The following TXNDC11 variants were observed in gnomAD, a reference collection of about 807,000 sequenced individuals.
TXNDC11 encodes thioredoxin domain containing 11.
In TXNDC11, 68 loss-of-function variants were observed where a neutral mutation model predicts 78.0. That is an observed-to-expected ratio of 0.87 (90% CI 0.72 to 1.07). TXNDC11 has a LOEUF of 1.07. Ranked by LOEUF, TXNDC11 falls within the 50% of genes least tolerant of loss-of-function variation. TXNDC11 has a pLI of 0.00. For missense variants in TXNDC11, 1,389 were observed against 1,221.8 expected, an observed-to-expected ratio of 1.14 and a Z score of -2.04; for synonymous variants, 571 against 495.2, an observed-to-expected ratio of 1.15 and a Z score of -2.03.
chr16:11,726,971 T>C (rs1049251979), intron 4 of TXNDC11, among the ~76,000 whole-genome samples: 1 of 152,078 alleles, frequency 6.6e-6, no homozygotes, highest in African/African-American at 2.4e-5. Context: ...GAGAATCACC[T>C]GAACCCAGGA....
chr16:11,716,659 G>C (rs2051535694), intron 5 of TXNDC11, among the ~76,000 whole-genome samples: 1 of 152,172 alleles, frequency 6.6e-6, no homozygotes, highest in South Asian at 2.1e-4. Context: ...TGTGCACCTA[G>C]AAAGGAAAGC....
At position 11,679,429 on chromosome 16, in the gene TXNDC11, G is replaced by T. The variant is rs377433544; in HGVS notation, c.2643C>A (p.Ala881=). Residue 881 remains alanine (A), a synonymous_variant, in exon 12 of 12, where the codon GCC becomes GCA. Coordinates refer to ENST00000283033, the MANE Select transcript of TXNDC11 (RefSeq NM_015914.7). The surrounding 1 kb of genome is among the most constrained non-coding windows in gnomAD (Gnocchi z 4.6). ...CGGTAAGGAGGTTTTCTGAGGCATC[G>T]GCCAGCTCCTGCAGCTTGCGGGCCA... is the stretch of plus-strand genomic sequence containing the variant. ...QELARKLQEL[A]DASENLLTEN... 3.1e-6 allele frequency: 5 copies of T among 1,613,354 alleles called. No individual in the cohort carries two copies. The highest frequency in any genetic ancestry group is 2.2e-5 in the East Asian group (1 of 44,848).
At position 11,679,562 on chromosome 16, in the gene TXNDC11, C is replaced by T. The variant is rs754911296; in HGVS notation, c.2510G>A (p.Arg837Gln). ...QLSSARRDEH[R>Q]LRQQQRALEE... is the part of the protein sequence containing the mutation. ...CAGGGCCCGCTGCTGCTGCCGCAGCCGGTGCTCATCTCTGCGGGCACTGGA... is the reference window on the plus strand; with the variant it reads ...CAGGGCCCGCTGCTGCTGCCGCAGCTGGTGCTCATCTCTGCGGGCACTGGA... Residue 837 changes from arginine to glutamine, a missense_variant, in exon 12 of 12, where the codon CGG becomes CAG. Physicochemically the swap from Arg to Gln is conservative, Grantham distance 43. Transcript: ENST00000283033. The surrounding 1 kb of genome is among the most constrained non-coding windows in gnomAD (Gnocchi z 4.6). The T allele has an allele frequency of 2.5e-5, 40 of 1,613,738 alleles. No homozygotes were observed. Among genetic ancestry groups the T allele is most frequent in the Admixed American group, 3.3e-5 (2 of 60,000 alleles).
At chr16:11,699,695 TA>T (rs2050957149) in intron 6 of TXNDC11, among the ~76,000 whole-genome samples, 1 of 152,210 alleles carries the variant, frequency 6.6e-6, no homozygotes, top group Admixed American at 6.5e-5. Context: ...GCACAAGACT[TA>T]GACATTGTGC....
chr16:11,715,772 G>A (rs1239325640), intron 5 of TXNDC11, among the ~76,000 whole-genome samples: 1 of 152,106 alleles, frequency 6.6e-6, no homozygotes, highest in Non-Finnish European at 1.5e-5. Flanking sequence ...AAAACCATGC[G>A]TTACAAATAG....
At chr16:11,722,809 A>G (rs924102978) in intron 4 of TXNDC11, among the ~76,000 whole-genome samples, 3 of 152,244 alleles carry the variant, frequency 2.0e-5, no homozygotes, top group African/African-American at 7.2e-5. Context: ...AATTTGGTGG[A>G]AATTTGATCT....
chr16:11,742,788 G>T lies in TXNDC11; in HGVS notation c.-58C>A, dbSNP rs903418898. On this transcript the variant is annotated 5_prime_UTR_variant, in exon 1 of 12. Coordinates refer to ENST00000283033, the MANE Select transcript of TXNDC11 (RefSeq NM_015914.7). ...GCCGCCGCCTCGGGCCCGAAGGCCC[G>T]GCCCGGCCCGTTGCTCCCCAATCCC... 2.9e-6 allele frequency: 4 copies of T among 1,397,138 alleles called. No individual in the cohort carries two copies. The highest frequency in any genetic ancestry group is 5.6e-5 in the East Asian group (2 of 35,748). The allele number at this position is 1,397,138 out of a possible 1,614,324, so 86.5% of individuals were successfully genotyped here. A position where few individuals can be genotyped will look rare whatever the true frequency, so the allele number is the denominator to read the frequency against.
chr16:11,700,489 C>A lies in TXNDC11; in HGVS notation c.869G>T (p.Gly290Val). The change falls in exon 6 of 12, where the codon GGA becomes GTA. Residue 290 changes from glycine to valine, a missense_variant. Transcript: ENST00000283033. ...LAKLVSLVHS[G>V]SVYLHRHFNT... ...GAAATGTCTATGTAAATACACACTT[C>A]CAGAGTGTACTAAGGATACCAGTTT... 1 of 1,589,392 alleles carries A rather than the reference C, an allele frequency of 6.3e-7. No homozygotes were observed. The highest frequency in any genetic ancestry group is 8.6e-7 in the Non-Finnish European group (1 of 1,157,978).
At position 11,679,800 on chromosome 16, in the gene TXNDC11, T is replaced by G; in HGVS notation, c.2272A>C (p.Ile758Leu). ...AACCTCAACAGGTTTGGAAGGGTGA[T>G]GGGGACGTCTTCGGGGTATTTCACA... ...LSVKYPEDVP[I>L]TLPNLLRFIL... The change falls in exon 12 of 12, where the codon ATC becomes CTC. Residue 758 changes from isoleucine to leucine, a missense_variant. Transcript: ENST00000283033. The surrounding 1 kb of genome is among the most constrained non-coding windows in gnomAD (Gnocchi z 4.6). The G allele has an allele frequency of 6.2e-7, 1 of 1,613,762 alleles. No homozygotes were observed.
chr16:11,697,958 C>T (rs1049390244), intron 7 of TXNDC11, among the ~76,000 whole-genome samples, 167 bp downstream of exon 7: 15 of 152,224 alleles, frequency 9.9e-5, no homozygotes, highest in African/African-American at 3.6e-4. Flanking sequence ...TAGACACGGG[C>T]TCTCTCCTGC....
chr16:11,740,094 G>T (rs1335331332), intron 1 of TXNDC11, among the ~76,000 whole-genome samples: 1 of 150,960 alleles, frequency 6.6e-6, no homozygotes, highest in Non-Finnish European at 1.5e-5. Context: ...TCAGGAGGCT[G>T]AGGCAGGAGA....
intron 5 of TXNDC11, among the ~76,000 whole-genome samples, chr16:11,704,352 C>T (rs2051116865): frequency 6.6e-6 from 1 of 152,132 alleles, no homozygotes; most frequent in South Asian, 2.1e-4. Context: ...CATTTGAACA[C>T]CAGAGTAATT....
At chr16:11,741,993 C>G (rs2052411358) in intron 1 of TXNDC11, 2 of 153,760 alleles carry the variant, frequency 1.3e-5, no homozygotes, top group Non-Finnish European at 2.9e-5. Context: ...GATCGCGCCA[C>G]TGCACTCCTG....
intron 4 of TXNDC11, among the ~76,000 whole-genome samples, chr16:11,722,242 C>T (rs1305144489): frequency 6.6e-6 from 1 of 152,188 alleles, no homozygotes; most frequent in Non-Finnish European, 1.5e-5. Context: ...AGTGGCAACT[C>T]TCCTTTCCCT....
At chr16:11,704,489 C>G (rs938849273) in intron 5 of TXNDC11, among the ~76,000 whole-genome samples, 2 of 152,114 alleles carry the variant, frequency 1.3e-5, no homozygotes, top group African/African-American at 4.8e-5. Context: ...GAGATAGTAA[C>G]TTTTCAGTGG....
At chr16:11,686,372 T>A (rs1330166176) in intron 10 of TXNDC11, among the ~76,000 whole-genome samples, 3 of 152,260 alleles carry the variant, frequency 2.0e-5, no homozygotes, top group East Asian at 1.9e-4. Context: ...TGCCCAGCCA[T>A]AATTTACTTA....
At chr16:11,696,706 G>A (rs1181191454) in intron 7 of TXNDC11, among the ~76,000 whole-genome samples, 1 of 152,202 alleles carries the variant, frequency 6.6e-6, no homozygotes, top group East Asian at 1.9e-4. Flanking sequence ...GGAGTCACAG[G>A]CAAAACCATG....
At position 11,742,557 on chromosome 16, in the gene TXNDC11, C is replaced by G; in HGVS notation, c.174G>C (p.Met58Ile). The change falls in exon 1 of 12, where the codon ATG becomes ATC. Residue 58 changes from methionine to isoleucine, a missense_variant. Met to Ile is a conservative substitution (Grantham distance 10). Transcript: ENST00000283033. ...LRRGLRGAFL[M>I]ARQRPELLCG... ...AGAGCAGCTCCGGCCGCTGGCGCGC[C>G]ATGAGGAAGGCGCCACGCAGCCCGC... 1.4e-6 allele frequency: 2 copies of G among 1,456,472 alleles called. 1 individual carries two copies. The highest frequency in any genetic ancestry group is 2.7e-5 in the South Asian group (2 of 75,258). 90.2% of individuals were successfully genotyped at this position (1,456,472 alleles called of 1,614,324 possible). A position where few individuals can be genotyped will look rare whatever the true frequency, so the allele number is the denominator to read the frequency against.
Position 11,742,506 on chromosome 16 carries a change from C to G in TXNDC11, c.225G>C (p.Ala75=), listed in dbSNP as rs1488964469. ...AGGTGAACTTGAGGGCGAGGAGCAGCGCGCAGCCGAGCGCCACGGCCCCGC... is the reference window on the plus strand; with the variant it reads ...AGGTGAACTTGAGGGCGAGGAGCAGGGCGCAGCCGAGCGCCACGGCCCCGC... ...LLCGAVALGC[A]LLLALKFTCS... is the part of the protein sequence containing the mutation. The change falls in exon 1 of 12, where the codon GCG becomes GCC. Residue 75 remains alanine, a synonymous_variant. Coordinates refer to ENST00000283033, the MANE Select transcript of TXNDC11 (RefSeq NM_015914.7). 6.9e-7 allele frequency: 1 copy of G among 1,454,540 alleles called. No homozygotes were observed. Among genetic ancestry groups the G allele is most frequent in the Non-Finnish European group, 9.0e-7 (1 of 1,111,736 alleles). The allele number at this position is 1,454,540 out of a possible 1,614,324, so 90.1% of individuals were successfully genotyped here. A position where few individuals can be genotyped will look rare whatever the true frequency, so the allele number is the denominator to read the frequency against.
Sources: gnomAD v4.1 joint callset for allele counts (sites outside exome capture counted in the v4.1 genomes callset) on GRCh38, gnomAD v4.1.1 for gene constraint, Gnocchi (gnomAD v3.1) non-coding constraint, MANE v1.5 for transcripts, NCBI Gene and HGNC (gene_info 2026-07-23, HGNC 2026-07-21) for gene names.